Variants in LRRC4C observed in about 807,000 individuals in gnomAD.
The protein encoded by LRRC4C is leucine rich repeat containing 4C.
In LRRC4C, 5 loss-of-function variants were observed where a neutral mutation model predicts 33.6. The observed-to-expected ratio is 0.15, with a 90% CI of 0.08 to 0.31. LRRC4C has a LOEUF of 0.31. Ranked by LOEUF, LRRC4C falls within the 10% of genes least tolerant of loss-of-function variation. The pLI, the probability that LRRC4C is intolerant of heterozygous loss-of-function variation, is 1.00. For missense variants in LRRC4C, 560 were observed against 796.7 expected, an observed-to-expected ratio of 0.70 and a Z score of 3.58; for synonymous variants, 329 against 302.0, an observed-to-expected ratio of 1.09 and a Z score of -0.93.
At chr11:41,076,950 G>T (rs187600406) in intron 1 of LRRC4C, among the ~76,000 whole-genome samples, 3 of 152,276 alleles carry the variant, frequency 2.0e-5, no homozygotes, top group Admixed American at 6.5e-5. Flanking sequence ...GGCCAAAAAA[G>T]GGGGGTCACA....
At chr11:40,175,204 A>C (rs1860374126) in intron 5 of LRRC4C, among the ~76,000 whole-genome samples, 1 of 152,264 alleles carries the variant, frequency 6.6e-6, no homozygotes, top group African/African-American at 2.4e-5. Flanking sequence ...CTGTTGGCTC[A>C]TAAAAGAAAG....
chr11:40,349,054 G>T (rs1003705179), intron 3 of LRRC4C, among the ~76,000 whole-genome samples: 1 of 152,032 alleles, frequency 6.6e-6, no homozygotes, highest in Admixed American at 6.6e-5. Context: ...ATCACCTCAA[G>T]CATTTATTAT....
In LRRC4C at chr11:40,685,013, G is replaced by T. The variant is rs190858784; in HGVS notation, c.-406-36735C>A. ...CTCATTAGAAAAATATGAATAGTAG[G>T]TATAAATAAGTTTCTTAACAAAGAG... On this transcript the variant is annotated intron_variant, in intron 2 of 6. Coordinates refer to ENST00000528697, the MANE Select transcript of LRRC4C (RefSeq NM_001258419.2). Among the ~76,000 whole-genome samples the T allele has an allele frequency of 1.8e-3, 267 of 152,070 alleles. 3 individuals carry two copies. The highest frequency in any genetic ancestry group is 0.01 in the Middle Eastern group (3 of 294).
intron 3 of LRRC4C, among the ~76,000 whole-genome samples, chr11:40,642,111 A>G (rs911187221): frequency 5.3e-5 from 8 of 151,620 alleles, no homozygotes; most frequent in African/African-American, 1.9e-4. Context: ...AAAGACTACC[A>G]GTCTCTCTAT....
At chr11:40,751,480 T>C (rs150492950) in intron 2 of LRRC4C, among the ~76,000 whole-genome samples, 39 of 152,050 alleles carry the variant, frequency 2.6e-4, no homozygotes, top group African/African-American at 9.4e-4. Flanking sequence ...GAAATAGCTA[T>C]AAAATAAATC....
intron 5 of LRRC4C, among the ~76,000 whole-genome samples, chr11:40,208,011 G>A (rs1334081252): frequency 3.3e-5 from 5 of 152,048 alleles, no homozygotes; most frequent in Admixed American, 2.6e-4. Flanking sequence ...GGACACTAAG[G>A]AAACCTACTT....
intron 5 of LRRC4C, among the ~76,000 whole-genome samples, chr11:40,163,681 G>A (rs1228945925): frequency 6.6e-6 from 1 of 152,030 alleles, no homozygotes; most frequent in Non-Finnish European, 1.5e-5. Flanking sequence ...TAGCAAGTAT[G>A]GTACCTGGTT....
intron 2 of LRRC4C, among the ~76,000 whole-genome samples, chr11:40,740,496 T>C (rs1401534230): frequency 6.6e-6 from 1 of 152,048 alleles, no homozygotes; most frequent in Non-Finnish European, 1.5e-5. Context: ...GTCAAGTTGT[T>C]TTCTTACTAA....
intron 5 of LRRC4C, among the ~76,000 whole-genome samples, chr11:40,224,240 T>G (rs184803006): frequency 5.3e-5 from 8 of 152,354 alleles, no homozygotes; most frequent in African/African-American, 1.7e-4. Context: ...AAATCCTTAT[T>G]ATATAATGTT....
intron 6 of LRRC4C, among the ~76,000 whole-genome samples, chr11:40,140,205 T>C (rs1234893004): frequency 6.6e-6 from 1 of 152,190 alleles, no homozygotes; most frequent in East Asian, 1.9e-4. Context: ...TACAATTTAA[T>C]GATGATACAA....
At chr11:40,721,032 C>T (rs1422806410) in intron 2 of LRRC4C, among the ~76,000 whole-genome samples, 1 of 152,124 alleles carries the variant, frequency 6.6e-6, no homozygotes, top group Admixed American at 6.5e-5. Context: ...TCTATACTTA[C>T]TATTAGTAAA....
At chr11:40,707,819 G>A (rs369548735) in intron 2 of LRRC4C, among the ~76,000 whole-genome samples, 71 of 152,212 alleles carry the variant, frequency 4.7e-4, no homozygotes, top group African/African-American at 1.3e-3. Context: ...GGTATAATTC[G>A]GCTGTGAATC....
chr11:40,432,398 A>T (rs1950970476), intron 3 of LRRC4C, among the ~76,000 whole-genome samples: 1 of 152,226 alleles, frequency 6.6e-6, no homozygotes, highest in African/African-American at 2.4e-5. Flanking sequence ...GCCACAATGT[A>T]ATAAAACTTA....
intron 2 of LRRC4C, among the ~76,000 whole-genome samples, chr11:40,911,635 G>A (rs1266719141): frequency 6.6e-6 from 1 of 152,204 alleles, no homozygotes; most frequent in South Asian, 2.1e-4. Flanking sequence ...AAAAATCAGA[G>A]AGCCTCTCTT....
At chr11:40,796,143 T>C (rs1370802158) in intron 2 of LRRC4C, among the ~76,000 whole-genome samples, 1 of 152,206 alleles carries the variant, frequency 6.6e-6, no homozygotes, top group African/African-American at 2.4e-5. Flanking sequence ...TATGTTCACC[T>C]AAACAGTAAA....
intron 2 of LRRC4C, among the ~76,000 whole-genome samples, chr11:40,769,858 T>A (rs1949669650): frequency 6.6e-6 from 1 of 152,108 alleles, no homozygotes; most frequent in Non-Finnish European, 1.5e-5. Context: ...AAATCTAAGA[T>A]CTCAAACTAT....
chr11:40,234,465 C>T (rs1268503254), intron 5 of LRRC4C, among the ~76,000 whole-genome samples: 2 of 152,090 alleles, frequency 1.3e-5, no homozygotes, highest in South Asian at 2.1e-4. Context: ...TACCTCAGTG[C>T]TACTGACTAT....
chr11:40,633,367 T>C (rs113111262), intron 3 of LRRC4C, among the ~76,000 whole-genome samples: 224 of 16,436 alleles, frequency 0.014, 9 homozygotes, highest in African/African-American at 0.027. Context: ...CTTTCTTTCT[T>C]TCTTTCTCTC....
chr11:41,040,356 A>G (rs1353352223), intron 1 of LRRC4C, among the ~76,000 whole-genome samples: 2 of 152,148 alleles, frequency 1.3e-5, no homozygotes, highest in Non-Finnish European at 1.5e-5. Flanking sequence ...CAGGCAGTGA[A>G]TAAGTGAGTA....
Sources: allele counts gnomAD v4.1 joint callset (sites outside exome capture counted in the v4.1 genomes callset), GRCh38; gene constraint gnomAD v4.1.1; transcripts MANE v1.5; gene names NCBI Gene and HGNC (gene_info 2026-07-23, HGNC 2026-07-21).